Variants in FOXP1 observed in about 807,000 individuals in gnomAD.
The protein encoded by FOXP1 is forkhead box protein P1.
Under a neutral mutation model 98.2 loss-of-function variants are expected in FOXP1, and 15 were observed. The observed-to-expected ratio is 0.15, with a 90% CI of 0.10 to 0.24. The LOEUF (loss-of-function observed/expected upper bound fraction) is 0.24. FOXP1 is among the 10% of genes least tolerant of loss of function. The pLI is 1.00. For synonymous variants in FOXP1, 371 were observed against 314.5 expected, an observed-to-expected ratio of 1.18 and a Z score of -1.90; for missense variants, 633 against 848.5, an observed-to-expected ratio of 0.75 and a Z score of 3.15.
chr3:71,500,553 C>T (rs749874355), intron 2 of FOXP1, among the ~76,000 whole-genome samples: 2 of 152,196 alleles, frequency 1.3e-5, no homozygotes, highest in Admixed American at 6.5e-5. Flanking sequence ...TTCCCCTGGG[C>T]CTTAGTGCTC....
intron 5 of FOXP1, among the ~76,000 whole-genome samples, chr3:71,235,854 C>A (rs996358180): frequency 6.6e-6 from 1 of 152,206 alleles, no homozygotes; most frequent in South Asian, 2.1e-4. Context: ...GTGTGGGCCA[C>A]CGCACCCGGC....
chr3:71,502,044 G>A (rs2041420844), intron 2 of FOXP1, among the ~76,000 whole-genome samples: 1 of 152,210 alleles, frequency 6.6e-6, no homozygotes, highest in Admixed American at 6.5e-5. Flanking sequence ...CTTTTGGGGA[G>A]CCAGGAAGAG....
chr3:71,247,033 G>A (rs1215581640), intron 5 of FOXP1, among the ~76,000 whole-genome samples: 2 of 151,946 alleles, frequency 1.3e-5, no homozygotes, highest in African/African-American at 4.8e-5. Context: ...CAGCATAAGT[G>A]TTTTTATTGG....
At chr3:71,117,597 CAGAA>C (rs1009148994) in intron 6 of FOXP1, among the ~76,000 whole-genome samples, 11 of 151,952 alleles carry the variant, frequency 7.2e-5, no homozygotes, top group African/African-American at 2.4e-4. Context: ...GGGCAAGCAG[CAGAA>C]AGAGAGAGAC....
chr3:71,183,027 T>C (rs1450804549), intron 6 of FOXP1, among the ~76,000 whole-genome samples: 1 of 152,168 alleles, frequency 6.6e-6, no homozygotes, highest in Non-Finnish European at 1.5e-5. Context: ...TATGTTAGCA[T>C]TTTTTAACCT....
At chr3:71,352,495 A>C (rs2077864123) in intron 4 of FOXP1, among the ~76,000 whole-genome samples, 1 of 143,048 alleles carries the variant, frequency 7.0e-6, no homozygotes, top group African/African-American at 2.5e-5. Flanking sequence ...AAAAAAAAAC[A>C]CAACAGGCTA....
intron 3 of FOXP1, among the ~76,000 whole-genome samples, chr3:71,394,826 C>T (rs369636466): frequency 2.0e-5 from 3 of 152,048 alleles, no homozygotes; most frequent in South Asian, 2.1e-4. Flanking sequence ...GGAGGCTGGG[C>T]GCGGTGGCTA....
intron 5 of FOXP1, among the ~76,000 whole-genome samples, chr3:71,204,584 G>A (rs964618503): frequency 6.6e-6 from 1 of 152,144 alleles, no homozygotes; most frequent in Non-Finnish European, 1.5e-5. Flanking sequence ...CTGCTCACCC[G>A]TCACCTGGCG....
rs188717422 is a variant in FOXP1 at position 71,112,316 on chromosome 3, A to G, written c.282+220T>C. 2.6e-3 allele frequency among the ~76,000 whole-genome samples: 398 copies of G among 152,292 alleles called. 3 individuals carry two copies. The highest frequency in any genetic ancestry group is 0.024 in the Middle Eastern group (7 of 294). On this transcript the variant is annotated intron_variant, in intron 7 of 20. Transcript: ENST00000649528. ...AACACTTACAACTCCTTATCCTTCT[A>G]TTATATTCACTAATCAGCAGATCTT...
At chr3:71,504,869 A>G (rs1465433764) in intron 2 of FOXP1, among the ~76,000 whole-genome samples, 1 of 152,212 alleles carries the variant, frequency 6.6e-6, no homozygotes, top group African/African-American at 2.4e-5. Flanking sequence ...AACACCAACT[A>G]ACATGTGCAA....
At chr3:71,343,829 C>T (rs1183965458) in intron 4 of FOXP1, among the ~76,000 whole-genome samples, 2 of 152,138 alleles carry the variant, frequency 1.3e-5, no homozygotes, top group East Asian at 1.9e-4. Context: ...TCACGCCTGG[C>T]GTTCAATTAG....
intron 3 of FOXP1, among the ~76,000 whole-genome samples, chr3:71,470,685 C>T (rs925191419): frequency 1.3e-5 from 2 of 152,126 alleles, no homozygotes; most frequent in Non-Finnish European, 2.9e-5. Context: ...TTGCAATGAG[C>T]AGATATCACA....
intron 6 of FOXP1, among the ~76,000 whole-genome samples, chr3:71,124,027 T>C (rs1184922659): frequency 6.6e-6 from 1 of 152,086 alleles, no homozygotes; most frequent in East Asian, 1.9e-4. Flanking sequence ...TTGGGTACTA[T>C]GCTCGGTACC....
At chr3:71,197,419 C>G (rs909850645) in intron 6 of FOXP1, among the ~76,000 whole-genome samples, 8 of 152,160 alleles carry the variant, frequency 5.3e-5, no homozygotes, top group Non-Finnish European at 1.0e-4. Context: ...TTTATCAACA[C>G]TTTGACAACA....
chr3:71,289,115 A>C (rs1576788124), intron 5 of FOXP1, among the ~76,000 whole-genome samples: 2 of 151,812 alleles, frequency 1.3e-5, no homozygotes, highest in Non-Finnish European at 2.9e-5. Context: ...GTTCACTGCA[A>C]CCTCCGTCTC....
At chr3:71,166,592 T>G (rs539116325) in intron 6 of FOXP1, among the ~76,000 whole-genome samples, 7 of 152,192 alleles carry the variant, frequency 4.6e-5, no homozygotes, top group Non-Finnish European at 7.3e-5. Flanking sequence ...TTGAGACCAC[T>G]ACTGGCCTCT....
At chr3:70,967,160 T>C (rs1479701355) in intron 19 of FOXP1, among the ~76,000 whole-genome samples, 1 of 152,224 alleles carries the variant, frequency 6.6e-6, no homozygotes, top group Non-Finnish European at 1.5e-5. Context: ...TGATCTGGCA[T>C]AGTGACTTCC....
intron 4 of FOXP1, among the ~76,000 whole-genome samples, chr3:71,313,821 G>A (rs1226757997): frequency 5.9e-5 from 9 of 152,288 alleles, no homozygotes; most frequent in Middle Eastern, 3.4e-3. Flanking sequence ...CACCGTGCCC[G>A]GTCGAGTATC....
chr3:70,966,362 G>A lies in FOXP1; in HGVS notation c.1723-306C>T, dbSNP rs181122853. ...GGCTTTCGAATATGAGGTTTATGTC[G>A]GATGCGTTTTTAAGAGGAGCTGAAT... is the stretch of plus-strand genomic sequence containing the variant. On this transcript the variant is annotated intron_variant, in intron 19 of 20. Transcript: ENST00000649528. The A allele has an allele frequency of 2.3e-4, 89 of 392,868 alleles. 1 individual carries two copies. The East Asian group carries it at 3.5e-3, about 15-fold the overall frequency. 24.3% of individuals were successfully genotyped at this position (392,868 alleles called of 1,614,324 possible).
Sources: gnomAD v4.1 joint callset for allele counts (sites outside exome capture counted in the v4.1 genomes callset) on GRCh38, gnomAD v4.1.1 for gene constraint, MANE v1.5 for transcripts, NCBI Gene and HGNC (gene_info 2026-07-23, HGNC 2026-07-21) for gene names.